The following PCDH15 variants were observed in gnomAD, a reference collection of about 807,000 sequenced individuals.
The protein encoded by PCDH15 is protocadherin-15.
In PCDH15, 129 loss-of-function variants were observed where a neutral mutation model predicts 178.5. The ratio of observed to expected loss-of-function variants is 0.72; its 90% CI spans 0.63 to 0.84. PCDH15 has a LOEUF of 0.84. PCDH15 is among the 40% of genes least tolerant of loss of function. The probability of loss-of-function intolerance (pLI) is 0.00; values close to 1 mark genes in which losing one functional copy is unlikely to be tolerated. For missense variants in PCDH15, 2,230 were observed against 2,099.9 expected (o/e 1.06, Z -1.21); for synonymous variants, 800 against 732.0 (o/e 1.09, Z -1.50).
At chr10:54,965,803 C>T (rs954837394) in intron 2 of PCDH15, among the ~76,000 whole-genome samples, 3 of 150,798 alleles carry the variant, frequency 2.0e-5, no homozygotes, top group Non-Finnish European at 4.4e-5. Flanking sequence ...AATATGAAAA[C>T]ACATAGCTTA....
chr10:54,125,738 T>A (rs1008626399), intron 15 of PCDH15, among the ~76,000 whole-genome samples: 1 of 152,136 alleles, frequency 6.6e-6, no homozygotes, highest in Non-Finnish European at 1.5e-5. Flanking sequence ...TTTCAAGTGC[T>A]TAGTGTAGTT....
intron 2 of PCDH15, among the ~76,000 whole-genome samples, chr10:54,958,500 C>T (rs1838552612): frequency 6.6e-6 from 1 of 151,676 alleles, no homozygotes; most frequent in Non-Finnish European, 1.5e-5. Context: ...CTTGACTCTC[C>T]CACATAATTA....
intron 25 of PCDH15, among the ~76,000 whole-genome samples, chr10:53,914,670 G>A (rs957369166): frequency 6.6e-6 from 1 of 151,948 alleles, no homozygotes; most frequent in African/African-American, 2.4e-5. Context: ...TGTAAATGTC[G>A]AGTTAATGGG....
intron 1 of PCDH15, among the ~76,000 whole-genome samples, chr10:54,799,355 G>T (rs376870382): frequency 6.6e-6 from 1 of 151,756 alleles, no homozygotes; most frequent in East Asian, 1.9e-4. Flanking sequence ...TTTTTCACTG[G>T]GTTTTTTTAA....
chr10:54,673,021 T>C (rs893724277), intron 1 of PCDH15, among the ~76,000 whole-genome samples: 46 of 152,320 alleles, frequency 3.0e-4, no homozygotes, highest in Admixed American at 7.8e-4. Context: ...TAATTTTTTT[T>C]CTTAAATCTG....
intron 8 of PCDH15, among the ~76,000 whole-genome samples, chr10:54,292,196 C>A (rs1026318113): frequency 1.3e-5 from 2 of 152,228 alleles, no homozygotes; most frequent in African/African-American, 4.8e-5. Context: ...TAATCCATCA[C>A]ATAAACAGAA....
At chr10:54,517,804 G>A (rs754449864) in intron 3 of PCDH15, among the ~76,000 whole-genome samples, 1 of 152,008 alleles carries the variant, frequency 6.6e-6, no homozygotes, top group South Asian at 2.1e-4. Flanking sequence ...TGACCACATA[G>A]TTGGAAGTAA....
upstream of PCDH15, among the ~76,000 whole-genome samples, chr10:55,323,188 T>C (rs1263978466): frequency 1.3e-5 from 2 of 152,220 alleles, no homozygotes; most frequent in African/African-American, 4.8e-5. Flanking sequence ...TCCATCTAGA[T>C]TTCAGAGGAC....
chr10:55,307,009 T>C (rs1460807071), intron 1 of PCDH15, among the ~76,000 whole-genome samples: 1 of 151,946 alleles, frequency 6.6e-6, no homozygotes, highest in Non-Finnish European at 1.5e-5. Context: ...CATATATGTA[T>C]ATATACATTA....
At chr10:55,348,076 A>G (rs1241456655) in intron 2 of PCDH15, among the ~76,000 whole-genome samples, 1 of 152,088 alleles carries the variant, frequency 6.6e-6, no homozygotes, top group Non-Finnish European at 1.5e-5. Flanking sequence ...TTTTAATCAC[A>G]CAAGGAATAC....
rs1186090720 is a variant in PCDH15, at chr10:53,802,977, AACTG to A, written c.*3598_*3601del. On this transcript the variant is annotated 3_prime_UTR_variant, in exon 38 of 38. Transcript: ENST00000644397. ...GTTCGAATCTTCCATACATGTGCTT[AACTG>A]ACCATAAATTTAAAGTAGATTGCAA... 6.6e-6 allele frequency: 1 copy of A among 151,916 alleles called. No homozygotes were observed. Among genetic ancestry groups the A allele is most frequent in the Admixed American group, 6.6e-5 (1 of 15,216 alleles). 9.4% of individuals were successfully genotyped at this position (151,916 alleles called of 1,614,324 possible). A position where few individuals can be genotyped will look rare whatever the true frequency, so the allele number is the denominator to read the frequency against.
At chr10:53,812,628 G>A (rs929377239) in intron 35 of PCDH15, among the ~76,000 whole-genome samples, 2 of 152,118 alleles carry the variant, frequency 1.3e-5, no homozygotes, top group African/African-American at 4.8e-5. Flanking sequence ...TCTACTTATA[G>A]AAAGATGTTT....
intron 2 of PCDH15, among the ~76,000 whole-genome samples, chr10:55,611,608 T>TA (rs910218307): frequency 4.9e-4 from 75 of 151,646 alleles, no homozygotes; most frequent in Admixed American, 1.3e-3. Flanking sequence ...TTCTCAAAAA[T>TA]AAAAAAAATA....
At chr10:54,330,237 A>T (rs761409325) in intron 6 of PCDH15, among the ~76,000 whole-genome samples, 38 of 151,792 alleles carry the variant, frequency 2.5e-4, no homozygotes, top group Non-Finnish European at 5.2e-4. Context: ...TTGTTAGGTG[A>T]TTTTTGTCAT....
chr10:54,721,316 T>A (rs1473112097), intron 1 of PCDH15, among the ~76,000 whole-genome samples: 1 of 151,628 alleles, frequency 6.6e-6, no homozygotes, highest in East Asian at 1.9e-4. Flanking sequence ...ATTTTGCACC[T>A]CAAGCAACTA....
intron 2 of PCDH15, among the ~76,000 whole-genome samples, chr10:55,609,238 C>T (rs1198945525): frequency 6.6e-6 from 1 of 152,018 alleles, no homozygotes; most frequent in Non-Finnish European, 1.5e-5. Context: ...TGTAACCAAT[C>T]TAAATGTATT....
chr10:54,639,662 A>G (rs1325779552), intron 2 of PCDH15, among the ~76,000 whole-genome samples: 1 of 152,174 alleles, frequency 6.6e-6, no homozygotes, highest in Admixed American at 6.6e-5. Context: ...AAAGTAGCCA[A>G]AAACTAATAA....
chr10:54,635,675 A>T (rs573630171), intron 2 of PCDH15, among the ~76,000 whole-genome samples: 7 of 152,000 alleles, frequency 4.6e-5, no homozygotes, highest in African/African-American at 1.7e-4. Flanking sequence ...GAAGCCTAAA[A>T]TAAGAAAAAT....
At chr10:54,535,347 C>G (rs1305745122) in intron 2 of PCDH15, among the ~76,000 whole-genome samples, 1 of 152,072 alleles carries the variant, frequency 6.6e-6, no homozygotes, top group Non-Finnish European at 1.5e-5. Flanking sequence ...TTTATTCTAA[C>G]TGGTCTATCA....
Sources: gnomAD v4.1 joint callset for allele counts (sites outside exome capture counted in the v4.1 genomes callset) on GRCh38, gnomAD v4.1.1 for gene constraint, MANE v1.5 for transcripts, NCBI Gene and HGNC (gene_info 2026-07-23, HGNC 2026-07-21) for gene names.